Variants in KCNAB2 observed in about 807,000 individuals in gnomAD.
The protein encoded by KCNAB2 is potassium voltage-gated channel subfamily A regulatory beta subunit 2, also known as voltage-gated potassium channel subunit beta-2.
Under a neutral mutation model 63.6 loss-of-function variants are expected in KCNAB2, and 29 were observed. The ratio of observed to expected loss-of-function variants is 0.46; its 90% CI spans 0.34 to 0.62. KCNAB2 has a LOEUF of 0.62. KCNAB2 is among the 20% of genes least tolerant of loss of function. KCNAB2 has a pLI of 0.01. For missense variants in KCNAB2, 359 were observed against 563.9 expected (o/e 0.64, Z 3.68); for synonymous variants, 222 against 224.2 (o/e 0.99, Z 0.09).
In KCNAB2 at chr1:6,096,299, C is replaced by T. The variant is rs997829777; in HGVS notation, c.949-337C>T. On this transcript the variant is annotated intron_variant, in intron 13 of 15. Transcript: ENST00000378083. This position sits in a 1 kb window ranked among gnomAD's most constrained non-coding sequence, Gnocchi z 5.9. ...AGGGCCAGGAGGTTCTTCTGGGCCA[C>T]GGGTGGCAGCCGAGACCCCAGGCTG... 22 of 395,842 alleles carry T rather than the reference C, an allele frequency of 5.6e-5. No homozygotes were observed. Among genetic ancestry groups the T allele is most frequent in the African/African-American group, 3.1e-4 (15 of 48,432 alleles). 24.5% of individuals were successfully genotyped at this position (395,842 alleles called of 1,614,324 possible).
chr1:6,085,861 C>T (rs751946176), intron 6 of KCNAB2: 1 of 987,512 alleles, frequency 1.0e-6, no homozygotes, highest in Non-Finnish European at 1.2e-6. Context: ...AAATCACCCA[C>T]CCAGCTCAGG....
chr1:6,009,573 G>A (rs1361836720), intron 1 of KCNAB2, among the ~76,000 whole-genome samples: 1 of 152,194 alleles, frequency 6.6e-6, no homozygotes, highest in Non-Finnish European at 1.5e-5. Context: ...TGTAATGGGA[G>A]GAACTCTGAC....
rs1483581855 is a variant in KCNAB2 at position 6,087,309 on chromosome 1, T to C, written c.426-158T>C. Among the ~76,000 whole-genome samples, 1 of 152,110 alleles carries C rather than the reference T, an allele frequency of 6.6e-6. No homozygotes were observed. Among genetic ancestry groups the C allele is most frequent in the East Asian group, 1.9e-4 (1 of 5,174 alleles). On this transcript the variant is annotated intron_variant, in intron 6 of 15. Coordinates refer to ENST00000378083, the MANE Select transcript of KCNAB2 (RefSeq NM_001199862.2). This position sits in a 1 kb window ranked among gnomAD's most constrained non-coding sequence, Gnocchi z 6.4. ...CCACGCACCCCGGCTGGGCACGTGG[T>C]ACACATCATATGATGGAGAAGTGCC...
intron 1 of KCNAB2, among the ~76,000 whole-genome samples, chr1:6,016,514 T>C (rs2100304007): frequency 6.6e-6 from 1 of 152,352 alleles, no homozygotes; most frequent in East Asian, 1.9e-4. Flanking sequence ...CTGAATTTGA[T>C]GAGGCGTTTT....
At chr1:6,056,693 C>T (rs1661859693) in intron 2 of KCNAB2, among the ~76,000 whole-genome samples, 1 of 152,240 alleles carries the variant, frequency 6.6e-6, no homozygotes, top group Non-Finnish European at 1.5e-5. Flanking sequence ...CCCTCTCCCT[C>T]CCGCTCAGGA....
intron 2 of KCNAB2, among the ~76,000 whole-genome samples, chr1:6,059,791 G>C (rs1328089370): frequency 6.6e-6 from 1 of 152,128 alleles, no homozygotes; most frequent in Non-Finnish European, 1.5e-5. Flanking sequence ...GAAGTGAGTG[G>C]GGCCATGAGG....
chr1:6,089,128 G>T, intron 8 of KCNAB2, 77 bp downstream of exon 8: 1 of 1,432,308 alleles, frequency 7.0e-7, no homozygotes, highest in Non-Finnish European at 9.6e-7. Context: ...TGGCAGCACA[G>T]GGCCCGACCC....
At chr1:6,040,384 CTG>C (rs1660400163) in intron 1 of KCNAB2, 1 of 630,928 alleles carries the variant, frequency 1.6e-6, no homozygotes, top group East Asian at 2.8e-5. Flanking sequence ...TGTCTCTCTG[CTG>C]AGGGGCTCCC....
chr1:6,089,760 C>T (rs543636796), intron 8 of KCNAB2, among the ~76,000 whole-genome samples: 13 of 152,330 alleles, frequency 8.5e-5, no homozygotes, highest in East Asian at 3.9e-4. Context: ...TGCAGCGGCA[C>T]GATCTTGGCT....
At chr1:6,045,127 C>T (rs1166866232), upstream of KCNAB2, among the ~76,000 whole-genome samples, 1 of 152,194 alleles carries the variant, frequency 6.6e-6, no homozygotes, top group Non-Finnish European at 1.5e-5. This position sits in a 1 kb window ranked among gnomAD's most constrained non-coding sequence, Gnocchi z 4.8. Flanking sequence ...TCCCAGCCTC[C>T]CACTTCATTT....
At chr1:6,072,008 C>A (rs985653574) in intron 2 of KCNAB2, among the ~76,000 whole-genome samples, 2 of 152,180 alleles carry the variant, frequency 1.3e-5, no homozygotes, top group Non-Finnish European at 2.9e-5. Flanking sequence ...ACGGGCATGC[C>A]GGTCCTCAGC....
chr1:6,068,663 A>G (rs796932398), intron 2 of KCNAB2, among the ~76,000 whole-genome samples: 28 of 152,242 alleles, frequency 1.8e-4, no homozygotes, highest in African/African-American at 6.7e-4. Context: ...GGCCTCTCCC[A>G]TCCCACTCAT....
intron 6 of KCNAB2, 151 bp downstream of exon 6, chr1:6,085,399 C>A: frequency 1.4e-6 from 1 of 718,900 alleles, no homozygotes; most frequent in Non-Finnish European, 2.4e-6. Flanking sequence ...TTCAGTTCTC[C>A]AAGAGTAGGA....
At chr1:6,060,125 G>A (rs2100584907) in intron 2 of KCNAB2, among the ~76,000 whole-genome samples, 1 of 152,336 alleles carries the variant, frequency 6.6e-6, no homozygotes, top group African/African-American at 2.4e-5. Flanking sequence ...ACCTGCTGCT[G>A]CCTCACAGGC....
chr1:6,000,726 G>A (rs1262983287), intron 1 of KCNAB2, among the ~76,000 whole-genome samples: 9 of 151,954 alleles, frequency 5.9e-5, no homozygotes, highest in Admixed American at 2.6e-4. Flanking sequence ...CCTATAGGCC[G>A]TTGGAATCTG....
In KCNAB2 at chr1:6,016,524, T is replaced by C. The variant is rs978589658; in HGVS notation, c.-53+23736T>C. ...AAGTACTGAATTTGATGAGGCGTTT[T>C]CACGAGGCCTGTGTGAAACACTTAA... is the stretch of plus-strand genomic sequence containing the variant. On this transcript the variant is annotated intron_variant, in intron 1 of 16. Transcript: ENST00000341524. Among the ~76,000 whole-genome samples, 4 of 152,354 alleles carry C rather than the reference T, an allele frequency of 2.6e-5. No homozygotes were observed. In the East Asian group the frequency reaches 7.7e-4, roughly 29 times the overall value.
chr1:6,026,181 A>T (rs1003031124), intron 1 of KCNAB2: 1 of 152,420 alleles, frequency 6.6e-6, no homozygotes, highest in African/African-American at 2.4e-5. Flanking sequence ...TCATCCAGGA[A>T]GGTCGGAGAT....
rs577352176 is a variant in KCNAB2, at chr1:6,056,093, G to A, written c.218+4339G>A. On this transcript the variant is annotated intron_variant, in intron 2 of 15. Transcript: ENST00000378083. ...AGAGTCTCACTCTGTCACCCAGGCT[G>A]GAGTGCAGTGGTGCAATCTCAGCTC... Among the ~76,000 whole-genome samples, 14 of 152,140 alleles carry A rather than the reference G, an allele frequency of 9.2e-5. No homozygotes were observed. The South Asian group carries it at 2.9e-3, about 32-fold the overall frequency.
rs557842520 is a variant in KCNAB2 at position 6,074,933 on chromosome 1, C to T, written c.300+1163C>T. Among the ~76,000 whole-genome samples, 8 of 147,330 alleles carry T rather than the reference C, an allele frequency of 5.4e-5. No individual in the cohort carries two copies. The South Asian group carries it at 1.5e-3, about 28-fold the overall frequency. On this transcript the variant is annotated intron_variant, in intron 4 of 15. Coordinates refer to ENST00000378083, the MANE Select transcript of KCNAB2 (RefSeq NM_001199862.2). The surrounding 1 kb of genome is among the most constrained non-coding windows in gnomAD (Gnocchi z 4.9). Reference sequence around the variant, plus strand: ...CATATCACTGCACTCCAGCCTAGGCCGTAGAGTAAGACTCTGTCTCGAAAA... The same window carrying T: ...CATATCACTGCACTCCAGCCTAGGCTGTAGAGTAAGACTCTGTCTCGAAAA...
Sources: allele counts gnomAD v4.1 joint callset (sites outside exome capture counted in the v4.1 genomes callset), GRCh38; gene constraint gnomAD v4.1.1; non-coding constraint Gnocchi (gnomAD v3.1); transcripts MANE v1.5; gene names NCBI Gene and HGNC (gene_info 2026-07-23, HGNC 2026-07-21).